TENM3: variants seen among roughly 807,000 people sequenced by gnomAD.
The protein encoded by TENM3 is teneurin-3.
TENM3 carries 63 observed loss-of-function variants against 255.1 expected under a neutral mutation model. The ratio of observed to expected loss-of-function variants is 0.25; its 90% CI spans 0.20 to 0.30. The LOEUF is 0.30. Ranked by LOEUF, TENM3 falls within the 10% of genes least tolerant of loss-of-function variation. The pLI, the probability that TENM3 is intolerant of heterozygous loss-of-function variation, is 1.00. For missense variants in TENM3, 2,929 were observed against 3,461.1 expected (o/e 0.85, Z 3.86); for synonymous variants, 1,306 against 1,322.3 (o/e 0.99, Z 0.27).
the TENM3 span, chr4:181,522,606 G>T: frequency 2.9e-5 from 14 of 480,572 alleles, no homozygotes; most frequent in Non-Finnish European, 5.5e-5. Flanking sequence ...GACAAATCCA[G>T]CATCTATTCT....
chr4:182,449,132 G>T, intron 3 of TENM3: 1 of 209,038 alleles, frequency 4.8e-6, no homozygotes, highest in Non-Finnish European at 9.3e-6. Flanking sequence ...CTGGCGGAGC[G>T]CGGCTCCCGG....
At chr4:182,354,573 A>G (rs992903917) in intron 3 of TENM3, among the ~76,000 whole-genome samples, 22 of 150,390 alleles carry the variant, frequency 1.5e-4, no homozygotes, top group Middle Eastern at 3.5e-3. Context: ...TCAAATCATA[A>G]TAATTCTGTT....
the TENM3 span, among the ~76,000 whole-genome samples, chr4:181,867,327 C>T: frequency 1.3e-5 from 2 of 152,104 alleles, no homozygotes; most frequent in Admixed American, 6.5e-5. Flanking sequence ...CGGACTTGGG[C>T]TGCCCCCATC....
At chr4:181,514,694 C>G in the TENM3 span, among the ~76,000 whole-genome samples, 14 of 152,186 alleles carry the variant, frequency 9.2e-5, no homozygotes, top group East Asian at 2.7e-3. Flanking sequence ...GTAACTATAG[C>G]AAAGTCTAAG....
intron 6 of TENM3, among the ~76,000 whole-genome samples, chr4:182,670,077 C>G (rs181106036): frequency 2.6e-5 from 4 of 152,116 alleles, no homozygotes; most frequent in Admixed American, 2.0e-4. Flanking sequence ...TAAAGCAAGA[C>G]GTCTGTTTAG....
At chr4:182,460,267 A>C (rs541548496) in intron 3 of TENM3, among the ~76,000 whole-genome samples, 33 of 152,286 alleles carry the variant, frequency 2.2e-4, no homozygotes, top group African/African-American at 7.9e-4. Flanking sequence ...CTATGTCTTA[A>C]GCTCACATAG....
chr4:182,173,571 A>G (rs969786374), intron 1 of TENM3, among the ~76,000 whole-genome samples: 3 of 152,220 alleles, frequency 2.0e-5, no homozygotes, highest in Non-Finnish European at 2.9e-5. Context: ...GTGCACGGAT[A>G]TAATCCTATG....
At chr4:182,730,469 G>A in intron 15 of TENM3, 150 bp downstream of exon 15, 2 of 832,522 alleles carry the variant, frequency 2.4e-6, no homozygotes, top group Non-Finnish European at 3.7e-6. Context: ...ATATGGCAGA[G>A]ATTTAAAGTC....
the TENM3 span, among the ~76,000 whole-genome samples, chr4:181,946,336 G>A: frequency 2.0e-5 from 3 of 152,134 alleles, no homozygotes; most frequent in African/African-American, 2.4e-5. Context: ...GCCAAAAATA[G>A]ATGTTATCTT....
At chr4:182,228,155 A>G (rs1273164496) in intron 1 of TENM3, among the ~76,000 whole-genome samples, 3 of 151,912 alleles carry the variant, frequency 2.0e-5, no homozygotes, top group Non-Finnish European at 4.4e-5. Context: ...CTTGAGATCT[A>G]ATGTGCAATC....
chr4:182,704,393 A>T (rs1758114134), intron 12 of TENM3, among the ~76,000 whole-genome samples: 1 of 152,210 alleles, frequency 6.6e-6, no homozygotes, highest in African/African-American at 2.4e-5. Context: ...TCAGGCATGA[A>T]ATCCTAAATT....
chr4:181,578,274 C>T, the TENM3 span, among the ~76,000 whole-genome samples: 1 of 152,198 alleles, frequency 6.6e-6, no homozygotes, highest in Non-Finnish European at 1.5e-5. Context: ...GGAAGTCCAG[C>T]TTTGTCTGGA....
chr4:181,665,272 C>A, the TENM3 span, among the ~76,000 whole-genome samples: 5 of 152,012 alleles, frequency 3.3e-5, no homozygotes, highest in Non-Finnish European at 7.4e-5. Flanking sequence ...AAAAGTTAAA[C>A]TAGTCTTTAA....
chr4:181,867,125 G>C, the TENM3 span, among the ~76,000 whole-genome samples: 1 of 152,106 alleles, frequency 6.6e-6, no homozygotes, highest in Admixed American at 6.6e-5. Flanking sequence ...GCCTGGACTC[G>C]TAGCTTTCTA....
the TENM3 span, among the ~76,000 whole-genome samples, chr4:181,582,669 C>CAAAAAA: frequency 8.0e-6 from 1 of 124,720 alleles, no homozygotes; most frequent in African/African-American, 3.1e-5. Context: ...CAAAACAAAT[C>CAAAAAA]AAAAAAAAAA....
chr4:182,215,437 A>T (rs1238874836), intron 1 of TENM3, among the ~76,000 whole-genome samples: 2 of 152,192 alleles, frequency 1.3e-5, no homozygotes, highest in African/African-American at 4.8e-5. Context: ...TGTTGAGCTC[A>T]TCATGTGGTG....
intron 3 of TENM3, among the ~76,000 whole-genome samples, chr4:182,351,917 A>C (rs1009725868): frequency 1.4e-4 from 21 of 152,320 alleles, no homozygotes; most frequent in African/African-American, 4.6e-4. Flanking sequence ...TGGTGCTTAC[A>C]AAACTCCCTG....
chr4:181,865,943 C>T, the TENM3 span, among the ~76,000 whole-genome samples: 9 of 152,164 alleles, frequency 5.9e-5, no homozygotes, highest in African/African-American at 9.7e-5. Flanking sequence ...AGTTACCACT[C>T]TTTATAAACC....
chr4:181,590,082 A>G, the TENM3 span, among the ~76,000 whole-genome samples: 1 of 152,190 alleles, frequency 6.6e-6, no homozygotes. Context: ...CAAGTATAAA[A>G]CTAACTTTGA....
Sources: allele counts gnomAD v4.1 joint callset (sites outside exome capture counted in the v4.1 genomes callset), GRCh38; gene constraint gnomAD v4.1.1; transcripts MANE v1.5; gene names NCBI Gene and HGNC (gene_info 2026-07-23, HGNC 2026-07-21).